FAM83F: variants seen among roughly 807,000 people sequenced by gnomAD.
The protein encoded by FAM83F is scaffolding CK1 anchoring protein F.
In FAM83F, 45 loss-of-function variants were observed where a neutral mutation model predicts 42.9. That is an observed-to-expected ratio of 1.05 (90% CI 0.83 to 1.35). The LOEUF is 1.35. Ranked by LOEUF, FAM83F falls within the 40% of genes most tolerant of loss-of-function variation. The pLI, the probability that FAM83F is intolerant of heterozygous loss-of-function variation, is 0.00. For synonymous variants in FAM83F, 306 were observed against 298.3 expected, an observed-to-expected ratio of 1.03 and a Z score of -0.27; for missense variants, 617 against 695.9, an observed-to-expected ratio of 0.89 and a Z score of 1.28.
intron 1 of FAM83F, among the ~76,000 whole-genome samples, chr22:40,014,126 C>CT (rs1555967942): frequency 3.7e-5 from 3 of 81,088 alleles, no homozygotes; most frequent in Non-Finnish European, 7.6e-5. Flanking sequence ...TCTCTTATTT[C>CT]TTTTCTTTTT....
At chr22:40,022,882 C>T (rs2067530239) in intron 4 of FAM83F, among the ~76,000 whole-genome samples, 1 of 152,220 alleles carries the variant, frequency 6.6e-6, no homozygotes, top group Non-Finnish European at 1.5e-5. Flanking sequence ...TCCTGCATTC[C>T]TGCACACCAG....
rs562105845 is a variant in FAM83F, at chr22:40,029,763, G to A, written c.*198G>A. The A allele has an allele frequency of 8.0e-5, 59 of 735,182 alleles. No homozygotes were observed. Among genetic ancestry groups the A allele is most frequent in the South Asian group, 1.5e-4 (8 of 52,442 alleles). The allele number at this position is 735,182 out of a possible 1,614,324, so 45.5% of individuals were successfully genotyped here. On this transcript the variant is annotated 3_prime_UTR_variant, in exon 5 of 5. Transcript: ENST00000333407. ...AGCATCTCAGTCACACGCCTCCACC[G>A]GACTGTCGGTGGCTGGGCAGGGGTC...
rs892522593 is a variant in FAM83F at position 40,030,541 on chromosome 22, G to C, written c.*976G>C. 6.6e-6 allele frequency: 1 copy of C among 152,236 alleles called. No homozygotes were observed. The highest frequency in any genetic ancestry group is 2.4e-5 in the African/African-American group (1 of 41,442). The allele number at this position is 152,236 out of a possible 1,614,324, so 9.4% of individuals were successfully genotyped here. On this transcript the variant is annotated 3_prime_UTR_variant, in exon 5 of 5. Coordinates refer to ENST00000333407, the MANE Select transcript of FAM83F (RefSeq NM_138435.4). Reference sequence around the variant, plus strand: ...ACCAGGGCTTCCAGGTTACACTTTGGCCAGACTGGCCTTTGCCTCCTGCGA... The same window carrying C: ...ACCAGGGCTTCCAGGTTACACTTTGCCCAGACTGGCCTTTGCCTCCTGCGA...
In FAM83F at chr22:40,021,254, C is replaced by A; in HGVS notation, c.780-36C>A. Reference sequence around the variant, plus strand: ...GGGCAGGGCAAGAGAGAGGCCTGGGCACATGTGTCTTGCTTTTCTGTCCCC... The same window carrying A: ...GGGCAGGGCAAGAGAGAGGCCTGGGAACATGTGTCTTGCTTTTCTGTCCCC... On this transcript the variant is annotated intron_variant, in intron 3 of 4. Transcript: ENST00000333407. The surrounding 1 kb of genome is among the most constrained non-coding windows in gnomAD (Gnocchi z 8.7). 6.6e-7 allele frequency: 1 copy of A among 1,518,232 alleles called. No homozygotes were observed. The highest frequency in any genetic ancestry group is 8.8e-7 in the Non-Finnish European group (1 of 1,130,248). The allele number at this position is 1,518,232 out of a possible 1,614,324, so 94.0% of individuals were successfully genotyped here.
intron 1 of FAM83F, among the ~76,000 whole-genome samples, chr22:40,003,620 A>G (rs2067412836): frequency 6.6e-6 from 1 of 151,782 alleles, no homozygotes; most frequent in South Asian, 2.1e-4. Context: ...CCCACACACC[A>G]TGCCAGGTGC....
intron 1 of FAM83F, among the ~76,000 whole-genome samples, chr22:40,015,428 C>T (rs759217556): frequency 2.0e-5 from 3 of 152,184 alleles, no homozygotes; most frequent in Non-Finnish European, 4.4e-5. Context: ...CCCAGCCAAG[C>T]GAACACATAA....
At chr22:40,006,374 G>A (rs1038354525) in intron 1 of FAM83F, among the ~76,000 whole-genome samples, 4 of 152,226 alleles carry the variant, frequency 2.6e-5, no homozygotes, top group Non-Finnish European at 5.9e-5. Flanking sequence ...TTAGATCGAT[G>A]GCAGGGCTCT....
At chr22:40,004,723 C>T (rs897755067) in intron 1 of FAM83F, among the ~76,000 whole-genome samples, 2 of 152,238 alleles carry the variant, frequency 1.3e-5, no homozygotes, top group Non-Finnish European at 1.5e-5. Context: ...CAGGCGTGAG[C>T]CACCGCGCCT....
chr22:40,025,251 C>G (rs1426264313), intron 4 of FAM83F, among the ~76,000 whole-genome samples: 1 of 152,002 alleles, frequency 6.6e-6, no homozygotes, highest in Non-Finnish European at 1.5e-5. Context: ...AAGTCCCCAT[C>G]TCTTAAAAAA....
intron 1 of FAM83F, among the ~76,000 whole-genome samples, chr22:40,004,499 C>T (rs1044712551): frequency 1.8e-4 from 27 of 152,072 alleles, no homozygotes; most frequent in African/African-American, 6.5e-4. Flanking sequence ...GACGTGGTTT[C>T]ACCATGTTGC....
Position 39,995,681 on chromosome 22 carries a change from G to A in FAM83F, c.489+150G>A. 7.6e-7 allele frequency: 1 copy of A among 1,311,584 alleles called. No individual in the cohort carries two copies. The highest frequency in any genetic ancestry group is 1.0e-6 in the Non-Finnish European group (1 of 986,636). The allele number at this position is 1,311,584 out of a possible 1,614,324, so 81.2% of individuals were successfully genotyped here. On this transcript the variant is annotated intron_variant, in intron 1 of 4. Transcript: ENST00000333407. This position sits in a 1 kb window ranked among gnomAD's most constrained non-coding sequence, Gnocchi z 4.6. ...CCCGCCCCTACTTCCTGGGGCTGCA[G>A]TGAGGCCTGTAGAGCGAATGGCTGG...
rs1281432149 is a variant in FAM83F, at chr22:40,039,567, G to A, written c.*10002G>A. The A allele has an allele frequency of 1.3e-5, 2 of 152,256 alleles. No individual in the cohort carries two copies. Among genetic ancestry groups the A allele is most frequent in the Non-Finnish European group, 2.9e-5 (2 of 68,046 alleles). The allele number at this position is 152,256 out of a possible 1,614,324, so 9.4% of individuals were successfully genotyped here. On this transcript the variant is annotated 3_prime_UTR_variant, in exon 5 of 5. Coordinates refer to ENST00000333407, the MANE Select transcript of FAM83F (RefSeq NM_138435.4). ...GCAAACAAGCTGCAGAATGAAGGGT[G>A]GAGATGGAGAGATAGAATTCTCATC...
rs746245995 is a variant in FAM83F at position 40,021,363 on chromosome 22, G to A, written c.853G>A (p.Asp285Asn). The change falls in exon 4 of 5, where the codon GAC becomes AAC. Residue 285 changes from aspartate (D) to asparagine (N), a missense_variant. By Grantham distance (23) the Asp-to-Asn change is conservative. Coordinates refer to ENST00000333407, the MANE Select transcript of FAM83F (RefSeq NM_138435.4). The surrounding 1 kb of genome is among the most constrained non-coding windows in gnomAD (Gnocchi z 8.7). ...LLTGQNVEPF[D>N]TEFRELYAIS... ...GACAGGACAGAACGTAGAGCCCTTT[G>A]ACACGGAGTTCCGGGAGCTGTACGC... 1.3e-5 allele frequency: 21 copies of A among 1,610,922 alleles called. No homozygotes were observed. In the Admixed American group the frequency reaches 3.3e-4, roughly 26 times the overall value.
chr22:40,024,863 G>A (rs963322827), intron 4 of FAM83F, among the ~76,000 whole-genome samples: 1 of 152,224 alleles, frequency 6.6e-6, no homozygotes, highest in Non-Finnish European at 1.5e-5. Flanking sequence ...AAACCCAGGT[G>A]TGGCCCTTGG....
chr22:40,007,644 T>C (rs1224256920), intron 1 of FAM83F, among the ~76,000 whole-genome samples: 22 of 81,774 alleles, frequency 2.7e-4, no homozygotes, highest in African/African-American at 9.9e-4. Context: ...CCTCTCCTCT[T>C]CTCTCCTCCT....
intron 1 of FAM83F, among the ~76,000 whole-genome samples, chr22:40,004,921 T>C (rs866118514): frequency 1.8e-4 from 28 of 152,220 alleles, no homozygotes; most frequent in African/African-American, 6.5e-4. Context: ...TTCCTGGGAA[T>C]TGATGGCTGA....
At chr22:40,027,842 A>T (rs977251609) in intron 4 of FAM83F, among the ~76,000 whole-genome samples, 1 of 152,122 alleles carries the variant, frequency 6.6e-6, no homozygotes, top group Non-Finnish European at 1.5e-5. Context: ...CTTGGGAAGC[A>T]GCTACCCCCA....
At chr22:40,001,630 G>A (rs2067402314) in intron 1 of FAM83F, among the ~76,000 whole-genome samples, 1 of 152,034 alleles carries the variant, frequency 6.6e-6, no homozygotes, top group South Asian at 2.1e-4. Flanking sequence ...CTGGGTGCCA[G>A]AGTGAAACTC....
chr22:40,021,866 G>A lies in FAM83F; in HGVS notation c.1356G>A (p.Ala452=), dbSNP rs145215263. 2.2e-5 allele frequency: 36 copies of A among 1,611,586 alleles called. 1 individual carries two copies. Among genetic ancestry groups the A allele is most frequent in the Admixed American group, 1.7e-4 (10 of 59,934 alleles). Residue 452 remains alanine (A), a synonymous_variant, in exon 4 of 5, where the codon GCG becomes GCA. Transcript: ENST00000333407. This position sits in a 1 kb window ranked among gnomAD's most constrained non-coding sequence, Gnocchi z 8.7. ...LFSRRAKRPA[A]PNGMASSVST... is the part of the protein sequence containing the mutation. ...GTCGCCGAGCCAAGAGGCCTGCGGC[G>A]CCCAATGGCATGGCCAGCTCTGTCT... is the stretch of plus-strand genomic sequence containing the variant.
Sources: gnomAD v4.1 joint callset for allele counts (sites outside exome capture counted in the v4.1 genomes callset) on GRCh38, gnomAD v4.1.1 for gene constraint, Gnocchi (gnomAD v3.1) non-coding constraint, MANE v1.5 for transcripts, NCBI Gene and HGNC (gene_info 2026-07-23, HGNC 2026-07-21) for gene names.